FBXL20: variants seen among roughly 807,000 people sequenced by gnomAD.
FBXL20 encodes the protein F-box/LRR-repeat protein 20.
A neutral mutation model predicts 64.0 loss-of-function variants in FBXL20; 11 were observed. That is an observed-to-expected ratio of 0.17 (90% CI 0.11 to 0.28). The LOEUF (loss-of-function observed/expected upper bound fraction) is 0.28, where lower values mean the gene tolerates loss of function less well. FBXL20 is among the 10% of genes least tolerant of loss of function. The pLI, the probability that FBXL20 is intolerant of heterozygous loss-of-function variation, is 1.00. For synonymous variants in FBXL20, 184 were observed against 189.0 expected, an observed-to-expected ratio of 0.97 and a Z score of 0.22; for missense variants, 303 against 526.2, an observed-to-expected ratio of 0.58 and a Z score of 4.15.
intron 1 of FBXL20, among the ~76,000 whole-genome samples, chr17:39,388,212 T>C (rs1394459583): frequency 6.6e-6 from 1 of 152,092 alleles, no homozygotes; most frequent in Non-Finnish European, 1.5e-5. Context: ...ATCCCAGCAC[T>C]TTGGGAGACC....
intron 1 of FBXL20, among the ~76,000 whole-genome samples, chr17:39,369,862 C>G (rs2047898113): frequency 6.6e-6 from 1 of 152,170 alleles, no homozygotes; most frequent in Non-Finnish European, 1.5e-5. Flanking sequence ...TCTCAAACTA[C>G]TGGTCTCCAG....
chr17:39,257,869 CA>C lies in FBXL20; in HGVS notation c.*3590del, dbSNP rs1319878432. 6.5e-6 allele frequency: 1 copy of C among 152,818 alleles called. No individual in the cohort carries two copies. Among genetic ancestry groups the C allele is most frequent in the African/African-American group, 2.4e-5 (1 of 41,394 alleles). 9.5% of individuals were successfully genotyped at this position (152,818 alleles called of 1,614,324 possible). On this transcript the variant is annotated 3_prime_UTR_variant, in exon 15 of 15. Coordinates refer to ENST00000264658, the MANE Select transcript of FBXL20 (RefSeq NM_032875.3). Reference sequence around the variant, plus strand: ...GGGAAGGAAATGGTGGAAATCAGTGCAAAAATAAGCTGGAGTCAGCTCAATG... The same window carrying C: ...GGGAAGGAAATGGTGGAAATCAGTGCAAAATAAGCTGGAGTCAGCTCAATG...
chr17:39,349,478 C>T (rs974523175), intron 1 of FBXL20, among the ~76,000 whole-genome samples: 1 of 151,710 alleles, frequency 6.6e-6, no homozygotes, highest in Non-Finnish European at 1.5e-5. Flanking sequence ...ATCCCGGCAC[C>T]TTGGAAGGTT....
chr17:39,311,382 T>C (rs994997464), intron 2 of FBXL20, among the ~76,000 whole-genome samples: 2 of 152,146 alleles, frequency 1.3e-5, no homozygotes, highest in African/African-American at 2.4e-5. Flanking sequence ...ATTTTTCATC[T>C]CTTTGTTTCC....
At chr17:39,303,401 C>A (rs1014117122) in intron 3 of FBXL20, among the ~76,000 whole-genome samples, 184 bp downstream of exon 3, 1 of 152,162 alleles carries the variant, frequency 6.6e-6, no homozygotes, top group African/African-American at 2.4e-5. Flanking sequence ...AAGTCAGAGA[C>A]AGTATATATA....
At chr17:39,346,908 G>C (rs910224307) in intron 1 of FBXL20, among the ~76,000 whole-genome samples, 2 of 145,988 alleles carry the variant, frequency 1.4e-5, no homozygotes, top group African/African-American at 4.9e-5. Context: ...TGTTCTCATT[G>C]TTCAATTCCC....
chr17:39,376,876 G>C (rs367919126), intron 1 of FBXL20, among the ~76,000 whole-genome samples: 45 of 152,078 alleles, frequency 3.0e-4, no homozygotes, highest in African/African-American at 1.0e-3. Flanking sequence ...AACCACCTTT[G>C]CAAAATTATG....
intron 2 of FBXL20, among the ~76,000 whole-genome samples, chr17:39,335,147 G>A (rs1417511267): frequency 1.3e-5 from 2 of 152,078 alleles, no homozygotes; most frequent in Non-Finnish European, 2.9e-5. Context: ...ATCTCAAGTC[G>A]TAAAACATGT....
At chr17:39,270,991 C>T in intron 10 of FBXL20, 135 bp from the exon 11 acceptor site, 1 of 694,210 alleles carries the variant, frequency 1.4e-6, no homozygotes, top group Non-Finnish European at 2.4e-6. Flanking sequence ...ACATTAACAA[C>T]TAAGCAAGTC....
chr17:39,360,644 C>CA (rs1274639980), intron 1 of FBXL20, among the ~76,000 whole-genome samples: 1 of 152,184 alleles, frequency 6.6e-6, no homozygotes, highest in African/African-American at 2.4e-5. Flanking sequence ...TTTTCACACT[C>CA]AGAGACAGAT....
At chr17:39,269,107 C>T (rs1462954097) in intron 11 of FBXL20, among the ~76,000 whole-genome samples, 4 of 152,098 alleles carry the variant, frequency 2.6e-5, no homozygotes, top group Non-Finnish European at 5.9e-5. Context: ...ACTCCCTGGG[C>T]TCAGGTGATT....
intron 9 of FBXL20, among the ~76,000 whole-genome samples, chr17:39,278,548 C>CTTT (rs61642275): frequency 1.2e-4 from 16 of 128,166 alleles, no homozygotes; most frequent in South Asian, 2.4e-4. Context: ...ACATTCCAGT[C>CTTT]TTTTTTTTTT....
intron 1 of FBXL20, among the ~76,000 whole-genome samples, chr17:39,381,071 A>T (rs1479424554): frequency 1.3e-5 from 2 of 151,536 alleles, no homozygotes; most frequent in Non-Finnish European, 2.9e-5. Flanking sequence ...GAAGCAGGAG[A>T]CTCACTTGAA....
In FBXL20 at chr17:39,261,589, A is replaced by G. The variant is rs756107159; in HGVS notation, c.1204-22T>C. ...GGGTCTGAAACAAGACAGAAACATT[A>G]AACGTTTAAGAGAGGGCTTAAACAG... On this transcript the variant is annotated intron_variant, in intron 14 of 14. Coordinates refer to ENST00000264658, the MANE Select transcript of FBXL20 (RefSeq NM_032875.3). 10 of 1,561,592 alleles carry G rather than the reference A, an allele frequency of 6.4e-6. No individual in the cohort carries two copies. The Admixed American group carries it at 1.7e-4, about 27-fold the overall frequency.
chr17:39,350,497 A>G (rs2047677431), intron 1 of FBXL20, among the ~76,000 whole-genome samples: 1 of 148,976 alleles, frequency 6.7e-6, no homozygotes, highest in South Asian at 2.1e-4. Context: ...TCGAAAACAA[A>G]AACAAAAACA....
In FBXL20 at chr17:39,350,261, C is replaced by T. The variant is rs138694826; in HGVS notation, c.43-7020G>A. Among the ~76,000 whole-genome samples, 189 of 152,222 alleles carry T rather than the reference C, an allele frequency of 1.2e-3. 1 individual carries two copies. Among genetic ancestry groups the T allele is most frequent in the Non-Finnish European group, 2.3e-3 (155 of 68,008 alleles). The stretch of plus-strand genomic sequence containing the variant: ...TGCCTGTAACTTTGGGAGGCCAAGG[C>T]GGGCTGATCACCTGAGGCTGGGAGA... On this transcript the variant is annotated intron_variant, in intron 1 of 14. Transcript: ENST00000264658.
chr17:39,303,247 TA>T (rs56985859), intron 3 of FBXL20, among the ~76,000 whole-genome samples: 114 of 146,918 alleles, frequency 7.8e-4, no homozygotes, highest in Middle Eastern at 3.5e-3. Flanking sequence ...TGTCCTTGTG[TA>T]AAAAAAAAAA....
At chr17:39,362,521 C>A (rs998420851) in intron 1 of FBXL20, among the ~76,000 whole-genome samples, 17 of 150,538 alleles carry the variant, frequency 1.1e-4, no homozygotes, top group African/African-American at 3.9e-4. Context: ...GAGGTTTTCT[C>A]CATGTTGGTC....
At chr17:39,333,767 AG>A (rs1361115462) in intron 2 of FBXL20, among the ~76,000 whole-genome samples, 1 of 131,182 alleles carries the variant, frequency 7.6e-6, no homozygotes, top group African/African-American at 2.9e-5. Flanking sequence ...GCCCCGTCTG[AG>A]ATGTGAAGAG....
Sources: gnomAD v4.1 joint callset for allele counts (sites outside exome capture counted in the v4.1 genomes callset) on GRCh38, gnomAD v4.1.1 for gene constraint, MANE v1.5 for transcripts, NCBI Gene and HGNC (gene_info 2026-07-23, HGNC 2026-07-21) for gene names.